Variants in WWOX observed in about 807,000 individuals in gnomAD.
The protein encoded by WWOX is WW domain containing oxidoreductase, also known as WW domain-containing oxidoreductase.
WWOX carries 69 observed loss-of-function variants against 46.2 expected under a neutral mutation model. That is an observed-to-expected ratio of 1.49 (90% CI 1.23 to 1.82). WWOX has a LOEUF of 1.82. WWOX is among the 40% of genes most tolerant of loss of function. The pLI, the probability that WWOX is intolerant of heterozygous loss-of-function variation, is 0.00. For missense variants in WWOX, 919 were observed against 542.6 expected (o/e 1.69, Z -6.89); for synonymous variants, 359 against 202.6 (o/e 1.77, Z -6.56).
chr16:78,961,605 G>T (rs960246871), intron 8 of WWOX, among the ~76,000 whole-genome samples: 2 of 151,924 alleles, frequency 1.3e-5, no homozygotes, highest in Non-Finnish European at 2.9e-5. Context: ...TAAATGAAAG[G>T]CTTGTTCTTC....
rs76468660 is a variant in WWOX, at chr16:78,938,729, G to A, written c.1057-272879G>A. On this transcript the variant is annotated intron_variant, in intron 8 of 8. Coordinates refer to ENST00000566780, the MANE Select transcript of WWOX (RefSeq NM_016373.4). ...TTGTTCTAGTGCAGCCATATAGTCA[G>A]TGAATGAATGAGTGAGCAAGATACA... 4.0e-3 allele frequency among the ~76,000 whole-genome samples: 602 copies of A among 152,270 alleles called. 9 individuals are homozygous for A. Among genetic ancestry groups the A allele is most frequent in the African/African-American group, 0.013 (552 of 41,550 alleles).
At position 78,654,183 on chromosome 16, in the gene WWOX, C is replaced by T. The variant is rs929672873; in HGVS notation, c.1056+221431C>T. On this transcript the variant is annotated intron_variant, in intron 8 of 8. Coordinates refer to ENST00000566780, the MANE Select transcript of WWOX (RefSeq NM_016373.4). The stretch of plus-strand genomic sequence containing the variant: ...AGAAAGTGTGAGTTCAAATTGCCTT[C>T]GGCTCTTCACCTGGGTGGGCGATTT... Among the ~76,000 whole-genome samples, 17 of 152,292 alleles carry T rather than the reference C, an allele frequency of 1.1e-4. No homozygotes were observed. In the East Asian group the frequency reaches 1.2e-3, roughly 10 times the overall value.
At chr16:78,712,644 A>T (rs935351853) in intron 8 of WWOX, among the ~76,000 whole-genome samples, 1 of 152,202 alleles carries the variant, frequency 6.6e-6, no homozygotes, top group Admixed American at 6.5e-5. Flanking sequence ...AAATTTGAAT[A>T]TGGAGTAGCT....
At chr16:78,993,275 G>A (rs1235146123) in intron 8 of WWOX, among the ~76,000 whole-genome samples, 1 of 151,902 alleles carries the variant, frequency 6.6e-6, no homozygotes, top group Non-Finnish European at 1.5e-5. Context: ...GGTGGGGGGA[G>A]GTTGGGGAAG....
intron 8 of WWOX, among the ~76,000 whole-genome samples, chr16:78,788,109 T>G (rs1481442506): frequency 1.3e-5 from 2 of 152,222 alleles, no homozygotes; most frequent in African/African-American, 4.8e-5. Flanking sequence ...TTTTTACTCT[T>G]TTTATAGTGT....
rs1020081606 is a variant in WWOX at position 78,458,842 on chromosome 16, C to T, written c.1056+26090C>T. On this transcript the variant is annotated intron_variant, in intron 8 of 8. Transcript: ENST00000566780. The stretch of plus-strand genomic sequence containing the variant: ...GGTGGAATTAGCATGTAGAGGTTGG[C>T]AAAGGGGACAGGAGACTGTGGGATG... 1.1e-4 allele frequency among the ~76,000 whole-genome samples: 17 copies of T among 151,906 alleles called. No individual in the cohort carries two copies. The Middle Eastern group carries it at 0.017, about 152-fold the overall frequency.
At position 78,842,220 on chromosome 16, in the gene WWOX, G is replaced by A. The variant is rs563963770; in HGVS notation, c.1057-369388G>A. 1.0e-3 allele frequency among the ~76,000 whole-genome samples: 159 copies of A among 152,084 alleles called. 1 individual carries two copies. The highest frequency in any genetic ancestry group is 5.6e-3 in the South Asian group (27 of 4,818). ...AGTCAAAATTCAAAATGGGTTGGGT[G>A]CAGTGGCTCTCTCCTGTAATCTCAG... is the stretch of plus-strand genomic sequence containing the variant. On this transcript the variant is annotated intron_variant, in intron 8 of 8. Transcript: ENST00000566780.
At chr16:78,110,168 C>T (rs924317451) in intron 3 of WWOX, among the ~76,000 whole-genome samples, 4 of 151,620 alleles carry the variant, frequency 2.6e-5, no homozygotes, top group Non-Finnish European at 4.4e-5. Context: ...GGTGAAACTC[C>T]GTCTCTACTA....
chr16:78,307,691 G>C (rs1406008127), intron 5 of WWOX, among the ~76,000 whole-genome samples: 32 of 152,178 alleles, frequency 2.1e-4, no homozygotes, highest in Admixed American at 2.0e-3. Context: ...TTATTTGTTA[G>C]AGCAGTGATC....
intron 8 of WWOX, among the ~76,000 whole-genome samples, chr16:78,542,329 C>G (rs937448004): frequency 2.0e-5 from 3 of 152,126 alleles, no homozygotes; most frequent in Non-Finnish European, 2.9e-5. Context: ...ACCCTGTGTT[C>G]TGCAAGCTGG....
At position 78,487,248 on chromosome 16, in the gene WWOX, T is replaced by C. The variant is rs79938963; in HGVS notation, c.1056+54496T>C. On this transcript the variant is annotated intron_variant, in intron 8 of 8. Coordinates refer to ENST00000566780, the MANE Select transcript of WWOX (RefSeq NM_016373.4). The stretch of plus-strand genomic sequence containing the variant: ...TTTTTTTTTCTCCCCATCTTGAACA[T>C]GTTGCTGTAGACAGGTGCTAGGTTT... 4.0e-3 allele frequency among the ~76,000 whole-genome samples: 606 copies of C among 152,170 alleles called. 22 individuals are homozygous for C. The East Asian group carries it at 0.1, about 26-fold the overall frequency.
intron 8 of WWOX, among the ~76,000 whole-genome samples, chr16:78,768,392 C>A (rs1212862416): frequency 1.3e-5 from 2 of 151,152 alleles, no homozygotes; most frequent in Non-Finnish European, 2.9e-5. Context: ...GAGTTTGAGA[C>A]CACACTGGCC....
intron 4 of WWOX, among the ~76,000 whole-genome samples, chr16:78,146,471 C>T (rs1211974286): frequency 6.6e-6 from 1 of 152,158 alleles, no homozygotes; most frequent in Non-Finnish European, 1.5e-5. Flanking sequence ...CATGTAAAAT[C>T]AGCCTCAGCT....
At chr16:78,241,129 G>A (rs775860256) in intron 5 of WWOX, 1 of 152,204 alleles carries the variant, frequency 6.6e-6, no homozygotes, top group Non-Finnish European at 1.5e-5. Context: ...TACCCCCATT[G>A]TACAGATGAA....
chr16:78,422,810 CATAT>C (rs200411920), intron 6 of WWOX, among the ~76,000 whole-genome samples: 1 of 119,942 alleles, frequency 8.3e-6, no homozygotes, highest in Non-Finnish European at 1.6e-5. Context: ...TATACACACA[CATAT>C]ATATACACAC....
intron 8 of WWOX, among the ~76,000 whole-genome samples, chr16:78,965,818 T>G (rs1165740786): frequency 1.3e-5 from 2 of 152,216 alleles, no homozygotes; most frequent in Admixed American, 1.3e-4. Flanking sequence ...GCTTATTGAT[T>G]ATTTGTTTGA....
chr16:79,019,179 A>G lies in WWOX; in HGVS notation c.1057-192429A>G, dbSNP rs1476428970. 5.2e-4 allele frequency among the ~76,000 whole-genome samples: 28 copies of G among 53,990 alleles called. 3 individuals carry two copies. The East Asian group carries it at 0.024, about 46-fold the overall frequency. 35.4% of individuals were successfully genotyped at this position (53,990 alleles called of 152,430 possible). A position where few individuals can be genotyped will look rare whatever the true frequency, so the allele number is the denominator to read the frequency against. ...TCTCAAAAAAAAAAAAAAAAAAAAA[A>G]AAAAAAGAAAAAAAAAAGTTGGAAT... On this transcript the variant is annotated intron_variant, in intron 8 of 8. Transcript: ENST00000566780.
chr16:79,017,726 A>G (rs1286333140), intron 8 of WWOX, among the ~76,000 whole-genome samples: 1 of 151,962 alleles, frequency 6.6e-6, no homozygotes. Flanking sequence ...TCATAAAACC[A>G]GTCTAAAAAA....
At chr16:78,889,537 A>G (rs373403682) in intron 8 of WWOX, among the ~76,000 whole-genome samples, 15 of 152,196 alleles carry the variant, frequency 9.9e-5, no homozygotes, top group Admixed American at 4.6e-4. Flanking sequence ...TACGACAGCC[A>G]TAAGTATTGG....
Sources: gnomAD v4.1 joint callset for allele counts (sites outside exome capture counted in the v4.1 genomes callset) on GRCh38, gnomAD v4.1.1 for gene constraint, MANE v1.5 for transcripts, NCBI Gene and HGNC (gene_info 2026-07-23, HGNC 2026-07-21) for gene names.